ZNF609: variants seen among roughly 807,000 people sequenced by gnomAD.
The protein encoded by ZNF609 is zinc finger protein 609.
Under a neutral mutation model 109.5 loss-of-function variants are expected in ZNF609, and 11 were observed. That is an observed-to-expected ratio of 0.10 (90% CI 0.06 to 0.17). The LOEUF (loss-of-function observed/expected upper bound fraction) is 0.17. Ranked by LOEUF, ZNF609 falls within the 10% of genes least tolerant of loss-of-function variation. ZNF609 has a pLI of 1.00. For synonymous variants in ZNF609, 646 were observed against 662.0 expected, an observed-to-expected ratio of 0.98 and a Z score of 0.37; for missense variants, 1,559 against 1,772.4, an observed-to-expected ratio of 0.88 and a Z score of 2.16.
At chr15:64,615,573 G>A (rs1895786968) in intron 2 of ZNF609, among the ~76,000 whole-genome samples, 1 of 146,680 alleles carries the variant, frequency 6.8e-6, no homozygotes, top group Admixed American at 6.9e-5. Context: ...TACAACTTCT[G>A]CCTCCTGGGT....
chr15:64,543,287 A>G (rs1415796317), intron 2 of ZNF609, among the ~76,000 whole-genome samples: 14 of 96,966 alleles, frequency 1.4e-4, no homozygotes, highest in Non-Finnish European at 2.4e-4. Context: ...AATTTCATCT[A>G]CCATTCCTTC....
chr15:64,502,633 G>C (rs1204523546), intron 2 of ZNF609: 1 of 152,174 alleles, frequency 6.6e-6, no homozygotes, highest in Non-Finnish European at 1.5e-5. Flanking sequence ...CAGATGTTTT[G>C]ATATAATCTA....
intron 2 of ZNF609, among the ~76,000 whole-genome samples, chr15:64,552,583 A>C (rs551748685): frequency 6.6e-6 from 1 of 152,070 alleles, no homozygotes; most frequent in East Asian, 1.9e-4. Flanking sequence ...GGAACTCCTG[A>C]CCTCAAGCAA....
chr15:64,672,176 C>T lies in ZNF609; in HGVS notation c.1062-1740C>T, dbSNP rs570102132. On this transcript the variant is annotated intron_variant, in intron 4 of 9. Coordinates refer to ENST00000326648, the MANE Select transcript of ZNF609 (RefSeq NM_015042.2). ...TACAGGCGCCCGCCACCACGCCCGG[C>T]TAATTTTTTGTATTTTTAGTAGAGA... Among the ~76,000 whole-genome samples, 283 of 150,408 alleles carry T rather than the reference C, an allele frequency of 1.9e-3. 1 individual carries two copies. Among genetic ancestry groups the T allele is most frequent in the Non-Finnish European group, 2.6e-3 (173 of 67,378 alleles).
At chr15:64,512,011 CCTA>C (rs1893739849) in intron 2 of ZNF609, among the ~76,000 whole-genome samples, 1 of 150,866 alleles carries the variant, frequency 6.6e-6, no homozygotes, top group African/African-American at 2.4e-5. Context: ...CCGCACCCTG[CCTA>C]CTTTTTTTTT....
intron 1 of ZNF609, among the ~76,000 whole-genome samples, chr15:64,474,928 T>A (rs1258305570): frequency 6.6e-6 from 1 of 152,044 alleles, no homozygotes; most frequent in African/African-American, 2.4e-5. Flanking sequence ...TCCTCAACCT[T>A]ATTTCATATT....
intron 2 of ZNF609, among the ~76,000 whole-genome samples, chr15:64,508,807 C>T (rs1595702518): frequency 6.6e-6 from 1 of 151,680 alleles, no homozygotes; most frequent in Non-Finnish European, 1.5e-5. Flanking sequence ...TCCTACCTCA[C>T]TTCCTACCTC....
At chr15:64,656,792 C>T (rs981591984) in intron 3 of ZNF609, among the ~76,000 whole-genome samples, 2 of 151,436 alleles carry the variant, frequency 1.3e-5, no homozygotes, top group African/African-American at 4.9e-5. Flanking sequence ...CTCTCCCTTC[C>T]TCCCTTCCTC....
At chr15:64,587,604 A>T (rs558945639) in intron 2 of ZNF609, among the ~76,000 whole-genome samples, 1 of 152,304 alleles carries the variant, frequency 6.6e-6, no homozygotes, top group Middle Eastern at 3.4e-3. Context: ...ATACTCAAAA[A>T]ACATTTATGG....
rs760241125 is a variant in ZNF609 at position 64,681,341 on chromosome 15, C to G, written c.4195C>G (p.Gln1399Glu). ...TTCTACAGCCATTGTTGCCAGCCAA[C>G]AAGGCTCAACTCCCTCACTCTACCC... is the stretch of plus-strand genomic sequence containing the variant. ...LSSTAIVASQ[Q>E]GSTPSLYPPP... Residue 1399 changes from glutamine to glutamate, a missense_variant, in exon 9 of 10, where the codon CAA becomes GAA. Gln to Glu is a conservative substitution (Grantham distance 29, BLOSUM62 2). Around this residue, in one of 4 missense-constraint regions of ZNF609, gnomAD observed 1,204 missense variants for 1,314.1 expected, o/e 0.92. Transcript: ENST00000326648. 18 of 1,614,004 alleles carry G rather than the reference C, an allele frequency of 1.1e-5. No homozygotes were observed. The South Asian group carries it at 2.0e-4, about 18-fold the overall frequency.
intron 2 of ZNF609, among the ~76,000 whole-genome samples, chr15:64,617,946 T>G (rs1330582430): frequency 6.6e-6 from 1 of 152,202 alleles, no homozygotes. Context: ...TGGCACTTCT[T>G]AGCATTTCAA....
intron 2 of ZNF609, among the ~76,000 whole-genome samples, chr15:64,546,769 C>G (rs1327389620): frequency 2.0e-5 from 3 of 146,994 alleles, no homozygotes; most frequent in African/African-American, 5.0e-5. Flanking sequence ...CCACAACAAC[C>G]CAGCCAGTTT....
chr15:64,535,840 A>C (rs1192507138), intron 2 of ZNF609, among the ~76,000 whole-genome samples: 1 of 152,078 alleles, frequency 6.6e-6, no homozygotes, highest in Non-Finnish European at 1.5e-5. Context: ...TGGTACCTCA[A>C]TGTGGTTTTA....
intron 3 of ZNF609, among the ~76,000 whole-genome samples, chr15:64,660,685 C>T (rs1156553388): frequency 6.6e-6 from 1 of 152,194 alleles, no homozygotes; most frequent in Non-Finnish European, 1.5e-5. Flanking sequence ...ATTTATTCCA[C>T]TACAGCCACA....
intron 1 of ZNF609, among the ~76,000 whole-genome samples, chr15:64,498,040 C>T (rs1893509071): frequency 6.6e-6 from 1 of 151,934 alleles, no homozygotes; most frequent in Non-Finnish European, 1.5e-5. Context: ...TGGCACACTC[C>T]TCAAGTCTTG....
chr15:64,501,627 G>A (rs1475478437), intron 2 of ZNF609: 1 of 152,208 alleles, frequency 6.6e-6, no homozygotes, highest in African/African-American at 2.4e-5. Context: ...AGTACTAGCA[G>A]TTGTTGCTTC....
chr15:64,535,286 A>G (rs1024318914), intron 2 of ZNF609, among the ~76,000 whole-genome samples: 1 of 152,086 alleles, frequency 6.6e-6, no homozygotes, highest in Non-Finnish European at 1.5e-5. Flanking sequence ...CTGGCCTCAA[A>G]TGATTATCCT....
intron 3 of ZNF609, among the ~76,000 whole-genome samples, chr15:64,645,105 C>T (rs7163358): frequency 1.3e-3 from 116 of 90,760 alleles, no homozygotes; most frequent in East Asian, 0.012. Flanking sequence ...CTCCCTCCCT[C>T]CCTTCCTTCC....
intron 3 of ZNF609, among the ~76,000 whole-genome samples, chr15:64,626,206 A>C (rs190332402): frequency 3.9e-5 from 6 of 152,078 alleles, no homozygotes; most frequent in African/African-American, 1.2e-4. Context: ...AGAACTGTTC[A>C]GCAATAATAT....
Sources: allele counts gnomAD v4.1 joint callset (sites outside exome capture counted in the v4.1 genomes callset), GRCh38; gene constraint gnomAD v4.1.1; regional missense constraint gnomAD v4.1.1; transcripts MANE v1.5; gene names NCBI Gene and HGNC (gene_info 2026-07-23, HGNC 2026-07-21).